Variants in CPE observed in about 807,000 individuals in gnomAD.
The protein encoded by CPE is carbocypeptidase E.
Under a neutral mutation model 53.5 loss-of-function variants are expected in CPE, and 17 were observed. That is an observed-to-expected ratio of 0.32 (90% CI 0.22 to 0.48). The LOEUF (loss-of-function observed/expected upper bound fraction) is 0.48, where lower values mean the gene tolerates loss of function less well. Ranked by LOEUF, CPE falls within the 20% of genes least tolerant of loss-of-function variation. The pLI, the probability that CPE is intolerant of heterozygous loss-of-function variation, is 0.99. For missense variants in CPE, 524 were observed against 614.7 expected, an observed-to-expected ratio of 0.85 and a Z score of 1.56; for synonymous variants, 226 against 228.8, an observed-to-expected ratio of 0.99 and a Z score of 0.11.
chr4:165,390,077 C>A (rs1039967085), intron 1 of CPE, among the ~76,000 whole-genome samples: 1 of 152,132 alleles, frequency 6.6e-6, no homozygotes, highest in African/African-American at 2.4e-5. Context: ...TGCAAGCACA[C>A]CTGCTTCTCC....
intron 1 of CPE, among the ~76,000 whole-genome samples, chr4:165,397,230 C>T (rs1242009154): frequency 6.6e-6 from 1 of 152,030 alleles, no homozygotes; most frequent in East Asian, 1.9e-4. Flanking sequence ...TATTATTGCT[C>T]ACCCTTAAAT....
rs767767805 is a variant in CPE at position 165,493,288 on chromosome 4, T to C, written c.1213+18T>C. Reference sequence around the variant, plus strand: ...TACATCCGGTGGGTCTTTGCCACAATTGGAGGCTCTACGTTATGTACAAGA... The same window carrying C: ...TACATCCGGTGGGTCTTTGCCACAACTGGAGGCTCTACGTTATGTACAAGA... On this transcript the variant is annotated intron_variant, in intron 7 of 8. Coordinates refer to ENST00000402744, the MANE Select transcript of CPE (RefSeq NM_001873.4). 6.6e-7 allele frequency: 1 copy of C among 1,524,622 alleles called. No individual in the cohort carries two copies. 94.4% of individuals were successfully genotyped at this position (1,524,622 alleles called of 1,614,324 possible).
At chr4:165,416,703 G>A (rs1731129826) in intron 1 of CPE, among the ~76,000 whole-genome samples, 1 of 151,534 alleles carries the variant, frequency 6.6e-6, no homozygotes, top group Non-Finnish European at 1.5e-5. Flanking sequence ...GATTCCCCCG[G>A]CCTGGGTTAT....
intron 3 of CPE, among the ~76,000 whole-genome samples, chr4:165,473,198 G>T (rs1732238900): frequency 6.6e-6 from 1 of 152,124 alleles, no homozygotes; most frequent in Non-Finnish European, 1.5e-5. Context: ...TCTATGACAT[G>T]CTTGGACTTT....
intron 1 of CPE, among the ~76,000 whole-genome samples, chr4:165,461,166 C>CAAAAAAAAAAAAAAAAAAAAAA (rs1173022270): frequency 6.3e-4 from 28 of 44,198 alleles, no homozygotes; most frequent in Non-Finnish European, 7.6e-4. Context: ...GCCTCTGCCT[C>CAAAAAAAAAAAAAAAAAAAAAA]AAAAAAAAAA....
intron 1 of CPE, among the ~76,000 whole-genome samples, chr4:165,456,652 C>T (rs1275064194): frequency 2.0e-5 from 3 of 151,724 alleles, no homozygotes; most frequent in South Asian, 2.1e-4. Context: ...TTGCAAGCTC[C>T]GCCTCCTGGG....
chr4:165,411,515 C>G (rs1189633395), intron 1 of CPE, among the ~76,000 whole-genome samples: 1 of 152,118 alleles, frequency 6.6e-6, no homozygotes, highest in Non-Finnish European at 1.5e-5. Flanking sequence ...CCAGGAATAG[C>G]CTTTATCAAT....
intron 1 of CPE, among the ~76,000 whole-genome samples, chr4:165,395,877 G>A (rs1189749845): frequency 6.6e-6 from 1 of 152,088 alleles, no homozygotes; most frequent in Non-Finnish European, 1.5e-5. Flanking sequence ...ACCTAATCTC[G>A]CCTGTATAGA....
At chr4:165,469,911 C>T (rs1434212838) in intron 3 of CPE, among the ~76,000 whole-genome samples, 1 of 152,098 alleles carries the variant, frequency 6.6e-6, no homozygotes, top group Non-Finnish European at 1.5e-5. Context: ...GATGAAGGAT[C>T]CAGGAGACAG....
chr4:165,411,983 AT>A (rs1183340075), intron 1 of CPE, among the ~76,000 whole-genome samples: 1 of 152,026 alleles, frequency 6.6e-6, no homozygotes, highest in Non-Finnish European at 1.5e-5. Context: ...AAGAACCATA[AT>A]TTTTCTAATC....
chr4:165,405,694 A>C, intron 1 of CPE: 1 of 808,238 alleles, frequency 1.2e-6, no homozygotes, highest in South Asian at 1.3e-5. Context: ...TCCTGGTCGC[A>C]GAGATTCCAC....
chr4:165,438,722 C>G (rs984543050), intron 1 of CPE, among the ~76,000 whole-genome samples: 3 of 152,118 alleles, frequency 2.0e-5, no homozygotes, highest in Admixed American at 6.5e-5. Flanking sequence ...ATCGTGACTT[C>G]CAGGCTAGTG....
intron 1 of CPE, among the ~76,000 whole-genome samples, chr4:165,431,414 A>G (rs1397338174): frequency 6.6e-6 from 1 of 152,224 alleles, no homozygotes; most frequent in Non-Finnish European, 1.5e-5. Flanking sequence ...GGAGAAAGGG[A>G]GAGAGGGCAG....
chr4:165,391,689 G>A (rs565378472), intron 1 of CPE, among the ~76,000 whole-genome samples: 10 of 152,082 alleles, frequency 6.6e-5, no homozygotes, highest in African/African-American at 9.7e-5. Flanking sequence ...TTTGTAGCGC[G>A]AATGTACTTA....
chr4:165,441,214 T>C (rs1038718872), intron 1 of CPE, among the ~76,000 whole-genome samples: 2 of 152,178 alleles, frequency 1.3e-5, no homozygotes, highest in African/African-American at 4.8e-5. Context: ...TTGATTTGAT[T>C]GTTAATCTGA....
intron 1 of CPE, among the ~76,000 whole-genome samples, chr4:165,430,519 A>G (rs1446872434): frequency 1.3e-5 from 2 of 152,226 alleles, no homozygotes; most frequent in Non-Finnish European, 2.9e-5. Flanking sequence ...CATATCTGAC[A>G]TGAATCCCAA....
chr4:165,405,537 C>A, intron 1 of CPE: 2 of 949,512 alleles, frequency 2.1e-6, no homozygotes, highest in Non-Finnish European at 3.5e-6. Flanking sequence ...TGTTGCCTGA[C>A]AAATGGAATA....
At position 165,457,599 on chromosome 4, in the gene CPE, A is replaced by G. The variant is rs373027740; in HGVS notation, c.308-6791A>G. Among the ~76,000 whole-genome samples the G allele has an allele frequency of 1.9e-4, 29 of 152,352 alleles. 1 individual carries two copies. The East Asian group carries it at 3.9e-3, about 20-fold the overall frequency. ...AAAGCAAATGCATAATTAAGATTACAAAATGATTCTGTAATATGTCTCTGC... is the reference window on the plus strand; with the variant it reads ...AAAGCAAATGCATAATTAAGATTACGAAATGATTCTGTAATATGTCTCTGC... On this transcript the variant is annotated intron_variant, in intron 1 of 8. Coordinates refer to ENST00000402744, the MANE Select transcript of CPE (RefSeq NM_001873.4).
At chr4:165,423,107 G>A (rs1278253343) in intron 1 of CPE, among the ~76,000 whole-genome samples, 2 of 152,094 alleles carry the variant, frequency 1.3e-5, no homozygotes, top group Admixed American at 6.5e-5. Flanking sequence ...TCTTTCCAAA[G>A]GAAGCAATCA....
Sources: gnomAD v4.1 joint callset for allele counts (sites outside exome capture counted in the v4.1 genomes callset) on GRCh38, gnomAD v4.1.1 for gene constraint, MANE v1.5 for transcripts, NCBI Gene and HGNC (gene_info 2026-07-23, HGNC 2026-07-21) for gene names.